ZNF710: variants seen among roughly 807,000 people sequenced by gnomAD.
ZNF710 encodes the protein zinc finger protein 710.
In ZNF710, 13 loss-of-function variants were observed where a neutral mutation model predicts 50.6. The ratio of observed to expected loss-of-function variants is 0.26; its 90% CI spans 0.17 to 0.41. The LOEUF is 0.41. Among genes scored for constraint, ZNF710 ranks in the 10% least tolerant of loss-of-function variants. The pLI is 1.00. For synonymous variants in ZNF710, 383 were observed against 397.0 expected (o/e 0.96, Z 0.42); for missense variants, 721 against 936.6 (o/e 0.77, Z 3.01).
chr15:89,999,327 G>C (rs183362369), upstream of ZNF710, among the ~76,000 whole-genome samples: 1 of 152,314 alleles, frequency 6.6e-6, no homozygotes, highest in East Asian at 1.9e-4. Context: ...CTGATGATTC[G>C]GTCCTCAGCA....
intron 1 of ZNF710, among the ~76,000 whole-genome samples, chr15:90,033,968 G>A (rs544675439): frequency 3.9e-5 from 6 of 152,264 alleles, no homozygotes; most frequent in African/African-American, 1.4e-4. Context: ...TCTGAAGGCC[G>A]AGGCAGGCAG....
At chr15:90,006,189 G>C (rs1001534526) in intron 1 of ZNF710, among the ~76,000 whole-genome samples, 1 of 152,122 alleles carries the variant, frequency 6.6e-6, no homozygotes, top group African/African-American at 2.4e-5. Context: ...TCCTCAAGCA[G>C]AGTGGCTGTT....
At chr15:90,017,380 G>A (rs967788365) in intron 1 of ZNF710, among the ~76,000 whole-genome samples, 5 of 152,162 alleles carry the variant, frequency 3.3e-5, no homozygotes, top group Non-Finnish European at 7.4e-5. Context: ...ATACAAGGCT[G>A]TAATTTACAG....
chr15:90,011,247 G>A (rs1898295321), intron 1 of ZNF710, among the ~76,000 whole-genome samples: 1 of 151,996 alleles, frequency 6.6e-6, no homozygotes, highest in Non-Finnish European at 1.5e-5. Flanking sequence ...CTGAGTAGTT[G>A]GGACTACAGG....
rs1898923005 is a variant in ZNF710 at position 90,030,922 on chromosome 15, G to A, written c.-29+29308G>A. On this transcript the variant is annotated intron_variant, in intron 1 of 4. Transcript: ENST00000268154. ...TAGTCCCAGCTACTTGGGAGGCTGA[G>A]GCAGGAGAATGGCGTGAACCCGGGA... 7.3e-5 allele frequency among the ~76,000 whole-genome samples: 11 copies of A among 151,334 alleles called. No homozygotes were observed. In the South Asian group the frequency reaches 2.3e-3, roughly 32 times the overall value.
Position 90,074,305 on chromosome 15 carries a change from C to G in ZNF710, c.1825+15C>G, listed in dbSNP as rs768685473. On this transcript the variant is annotated intron_variant, in intron 4 of 4. Transcript: ENST00000268154. ...GGACAGCCAAGGTGGGTGGGCCAAGCGCAATGGACAGAGCAGGAATGATAC... is the reference window on the plus strand; with the variant it reads ...GGACAGCCAAGGTGGGTGGGCCAAGGGCAATGGACAGAGCAGGAATGATAC... 1 of 1,611,364 alleles carries G rather than the reference C, an allele frequency of 6.2e-7. No homozygotes were observed. Among genetic ancestry groups the G allele is most frequent in the Admixed American group, 1.7e-5 (1 of 59,988 alleles).
chr15:90,051,005 G>A (rs34513782), intron 1 of ZNF710, among the ~76,000 whole-genome samples: 3,805 of 152,134 alleles, frequency 0.025, 165 homozygotes, highest in African/African-American at 0.087. Flanking sequence ...TTGGGAGGCC[G>A]AGGTGGGCGG....
chr15:90,047,849 A>G (rs2151503497), intron 1 of ZNF710, among the ~76,000 whole-genome samples: 1 of 152,180 alleles, frequency 6.6e-6, no homozygotes, highest in Non-Finnish European at 1.5e-5. Context: ...GGCCTCCCAA[A>G]ATGCTGGGAT....
chr15:90,042,748 A>C (rs1899336742), intron 1 of ZNF710, among the ~76,000 whole-genome samples: 1 of 152,196 alleles, frequency 6.6e-6, no homozygotes. Flanking sequence ...CACTAGACTG[A>C]GGGCTGTGTG....
At chr15:90,041,892 ATTTTTTTT>A (rs71151548) in intron 1 of ZNF710, among the ~76,000 whole-genome samples, 3 of 110,600 alleles carry the variant, frequency 2.7e-5, no homozygotes, top group African/African-American at 6.9e-5. Context: ...TTTGTTTTTG[ATTTTTTTT>A]TTTTTTTTTT....
intron 1 of ZNF710, among the ~76,000 whole-genome samples, chr15:90,009,899 G>A (rs1431407527): frequency 6.6e-6 from 1 of 151,998 alleles, no homozygotes; most frequent in Non-Finnish European, 1.5e-5. Context: ...GGCCCATCTT[G>A]TGTGACTTCC....
chr15:90,023,736 A>G (rs1046589759), intron 1 of ZNF710, among the ~76,000 whole-genome samples: 2 of 152,094 alleles, frequency 1.3e-5, no homozygotes, highest in African/African-American at 2.4e-5. Flanking sequence ...GGTGGCTCAC[A>G]CCTGTAATCC....
chr15:90,012,922 T>G (rs1898353987), intron 1 of ZNF710, among the ~76,000 whole-genome samples: 1 of 152,222 alleles, frequency 6.6e-6, no homozygotes, highest in Non-Finnish European at 1.5e-5. Context: ...GTTTTTTAAT[T>G]CCTCACTTTA....
At chr15:90,033,579 A>G (rs1899011638) in intron 1 of ZNF710, among the ~76,000 whole-genome samples, 1 of 151,746 alleles carries the variant, frequency 6.6e-6, no homozygotes. Context: ...ACAGGTTCTC[A>G]CTCTGTTGCC....
rs745823736 is a variant in ZNF710, at chr15:90,067,582, G to A, written c.445G>A (p.Ala149Thr). The change falls in exon 2 of 5, where the codon GCC (alanine) becomes ACC (threonine). Residue 149 changes from alanine (A) to threonine (T), a missense_variant. Around this residue, in one of 3 missense-constraint regions of ZNF710, gnomAD observed 326 missense variants for 347.1 expected, o/e 0.94. Coordinates refer to ENST00000268154, the MANE Select transcript of ZNF710 (RefSeq NM_198526.4). The surrounding 1 kb of genome is among the most constrained non-coding windows in gnomAD (Gnocchi z 8.1). ...PAEAASGGCD[A>T]LVQSSAVKMI... ...CGAGGCGGCCAGTGGCGGCTGCGACGCCCTGGTGCAGAGCAGCGCCGTCAA... is the reference window on the plus strand; with the variant it reads ...CGAGGCGGCCAGTGGCGGCTGCGACACCCTGGTGCAGAGCAGCGCCGTCAA... 8 of 1,609,962 alleles carry A rather than the reference G, an allele frequency of 5.0e-6. No homozygotes were observed. Among genetic ancestry groups the A allele is most frequent in the East Asian group, 4.5e-5 (2 of 44,666 alleles).
chr15:90,004,583 GGAA>G (rs1898092521), intron 1 of ZNF710, among the ~76,000 whole-genome samples: 1 of 152,202 alleles, frequency 6.6e-6, no homozygotes, highest in Non-Finnish European at 1.5e-5. Context: ...CTTCAAAGCT[GGAA>G]GAAGGCCTTA....
chr15:90,071,677 C>CTTTT lies in ZNF710; in HGVS notation c.1459-1393_1459-1392insTTTT, dbSNP rs201729973. Among the ~76,000 whole-genome samples, 4 of 127,260 alleles carry CTTTT rather than the reference C, an allele frequency of 3.1e-5. 1 individual carries two copies. The highest frequency in any genetic ancestry group is 1.2e-4 in the African/African-American group (4 of 34,700). 83.5% of individuals were successfully genotyped at this position (127,260 alleles called of 152,430 possible). ...AATTTCTTTTATTTATTTATTTTTA[C>CTTTT]TCTTTTTTTTTTTTTTTTTGAGACG... On this transcript the variant is annotated intron_variant, in intron 2 of 4. Coordinates refer to ENST00000268154, the MANE Select transcript of ZNF710 (RefSeq NM_198526.4).
intron 1 of ZNF710, among the ~76,000 whole-genome samples, chr15:90,020,473 C>T (rs58273708): frequency 0.017 from 2,166 of 126,168 alleles, 54 homozygotes; most frequent in African/African-American, 0.063. Context: ...TGGTGGAGGC[C>T]CGAACTGCCT....
chr15:90,026,254 C>A (rs1279687867), intron 1 of ZNF710, among the ~76,000 whole-genome samples: 8 of 82,788 alleles, frequency 9.7e-5, no homozygotes, highest in African/African-American at 2.9e-4. Context: ...AAAAACAAAA[C>A]AACAACAACA....
Sources: gnomAD v4.1 joint callset for allele counts (sites outside exome capture counted in the v4.1 genomes callset) on GRCh38, gnomAD v4.1.1 for gene constraint, gnomAD v4.1.1 regional missense constraint, Gnocchi (gnomAD v3.1) non-coding constraint, MANE v1.5 for transcripts, NCBI Gene and HGNC (gene_info 2026-07-23, HGNC 2026-07-21) for gene names.